Variants in SEMA4G observed in about 807,000 individuals in gnomAD.
The protein encoded by SEMA4G is semaphorin-4G.
In SEMA4G, 59 loss-of-function variants were observed where a neutral mutation model predicts 81.2. The ratio of observed to expected loss-of-function variants is 0.73; its 90% CI spans 0.59 to 0.90. The LOEUF (loss-of-function observed/expected upper bound fraction) is 0.90, where lower values mean the gene tolerates loss of function less well. Among genes scored for constraint, SEMA4G ranks in the 40% least tolerant of loss-of-function variants. The pLI, the probability that SEMA4G is intolerant of heterozygous loss-of-function variation, is 0.00. For missense variants in SEMA4G, 952 were observed against 1,102.3 expected (o/e 0.86, Z 1.93); for synonymous variants, 404 against 433.9 (o/e 0.93, Z 0.86).
chr10:100,981,104 A>T (rs1269472376), intron 12 of SEMA4G, 64 bp from the exon 14 acceptor site: 1 of 1,609,220 alleles, frequency 6.2e-7, no homozygotes, highest in African/African-American at 1.3e-5. Flanking sequence ...AGACCTATCT[A>T]CCCTTTCACT....
rs1264248737 is a variant in SEMA4G at position 100,979,888 on chromosome 10, G to A, written c.1024G>A (p.Ala342Thr). Residue 342 changes from alanine (A) to threonine (T), a missense_variant, in exon 9 of 14, where the codon GCA becomes ACA. This residue lies in a region of SEMA4G where 436 missense variants were observed against 488.2 expected (regional missense o/e 0.89). Coordinates refer to ENST00000370250, the Ensembl canonical transcript of SEMA4G. ...CTCAGCCATCTGCCGCTATGACCTG[G>A]CAGAGATCCAGGCTGTCTTTGCAGG... 1.9e-6 allele frequency: 3 copies of A among 1,614,026 alleles called. No individual in the cohort carries two copies. Among genetic ancestry groups the A allele is most frequent in the Non-Finnish European group, 2.5e-6 (3 of 1,180,010 alleles).
chr10:100,972,921 G>A (rs1850673074), exon 1 of SEMA4G: 2 of 1,607,574 alleles, frequency 1.2e-6, no homozygotes, highest in Non-Finnish European at 1.7e-6. Flanking sequence ...AGATGTGGGG[G>A]AGGCTCTGGC....
rs758882299 is a variant in SEMA4G, at chr10:100,978,839, T to G, written c.644-10T>G. ...TGTCTCAAAAGCCTCTCAAACTGCC[T>G]GACCCACAGATGCGGAGTTTGTGTT... On this transcript the variant is annotated splice_polypyrimidine_tract_variant and intron_variant, in intron 6 of 13. Transcript: ENST00000370250. 17 of 1,612,338 alleles carry G rather than the reference T, an allele frequency of 1.1e-5. No homozygotes were observed. The highest frequency in any genetic ancestry group is 1.0e-5 in the Non-Finnish European group (12 of 1,178,696).
At chr10:100,977,816 C>A in intron 4 of SEMA4G, 86 bp downstream of exon 5, 2 of 1,168,746 alleles carry the variant, frequency 1.7e-6, no homozygotes, top group Non-Finnish European at 2.6e-6. Context: ...AGACTCAGAG[C>A]CAGTGAAGGA....
At chr10:100,978,759 T>G in intron 6 of SEMA4G, 90 bp from the exon 8 acceptor site, 1 of 1,566,024 alleles carries the variant, frequency 6.4e-7, no homozygotes, top group Non-Finnish European at 8.7e-7. Context: ...ATTCCATTCC[T>G]GTGTGTTGTC....
At chr10:100,983,957 G>A (rs752836080) in exon 14 of SEMA4G, 2 of 1,600,020 alleles carry the variant, frequency 1.2e-6, no homozygotes, top group South Asian at 1.1e-5. Context: ...CCAATGGCTT[G>A]GTGGCACTGC....
chr10:100,978,152 T>C, intron 4 of SEMA4G, 143 bp from the exon 6 acceptor site: 1 of 625,312 alleles, frequency 1.6e-6, no homozygotes, highest in Admixed American at 2.8e-5. Flanking sequence ...CAGGGGATGC[T>C]TAAGTTATTG....
At position 100,980,082 on chromosome 10, in the gene SEMA4G, G is replaced by A. The variant is rs750448025; in HGVS notation, c.1129-40G>A. On this transcript the variant is annotated intron_variant, in intron 9 of 13. Transcript: ENST00000370250. ...GCCTTGTGGAGAGGGCAGGCAGGTGGTGGAGTCCCGAGGTTCACCACCTTC... is the reference window on the plus strand; with the variant it reads ...GCCTTGTGGAGAGGGCAGGCAGGTGATGGAGTCCCGAGGTTCACCACCTTC... 57 of 1,613,174 alleles carry A rather than the reference G, an allele frequency of 3.5e-5. 1 individual carries two copies. The South Asian group carries it at 6.0e-4, about 17-fold the overall frequency.
At chr10:100,980,385 C>A in intron 10 of SEMA4G, 41 bp downstream of exon 11, 2 of 1,565,972 alleles carry the variant, frequency 1.3e-6, no homozygotes, top group Non-Finnish European at 1.8e-6. Context: ...TGGCCCTGAT[C>A]ACTAATGCTT....
exon 14 of SEMA4G, chr10:100,984,571 A>C (rs1851328377): frequency 6.5e-7 from 1 of 1,536,192 alleles, no homozygotes; most frequent in South Asian, 1.2e-5. Flanking sequence ...GAAACCAGAC[A>C]AGACCTCTGC....
intron 6 of SEMA4G, 24 bp downstream of exon 7, chr10:100,978,664 G>A: frequency 2.5e-6 from 4 of 1,601,672 alleles, no homozygotes; most frequent in Non-Finnish European, 3.4e-6. Flanking sequence ...GGCACAGGAT[G>A]ATGGGGGGTA....
Position 100,973,612 on chromosome 10 carries a change from A to G in SEMA4G, c.336+3A>G. On this transcript the variant is annotated splice_donor_region_variant and intron_variant, in intron 3 of 13. Transcript: ENST00000370250. The surrounding 1 kb of genome is among the most constrained non-coding windows in gnomAD (Gnocchi z 5.5). ...ATCAAAAAGGGAAAAACAACCAGGT[A>G]TGTGGTCTGCCCTGTCCCCAGCTCC... 3 of 1,613,986 alleles carry G rather than the reference A, an allele frequency of 1.9e-6. No homozygotes were observed. Among genetic ancestry groups the G allele is most frequent in the Non-Finnish European group, 2.5e-6 (3 of 1,179,904 alleles).
intron 3 of SEMA4G, among the ~76,000 whole-genome samples, chr10:100,975,943 T>C (rs1354819707): frequency 6.6e-6 from 1 of 152,000 alleles, no homozygotes; most frequent in African/African-American, 2.4e-5. Flanking sequence ...TGGGGAAACA[T>C]CACTTTAGGA....
upstream of SEMA4G, among the ~76,000 whole-genome samples, chr10:100,971,809 C>T (rs1850641674): frequency 6.6e-6 from 1 of 152,184 alleles, no homozygotes. Flanking sequence ...TCAGGGATCC[C>T]ATCATTTACC....
chr10:100,985,289 C>T (rs1160574437), downstream of SEMA4G: 6 of 175,188 alleles, frequency 3.4e-5, no homozygotes, highest in Admixed American at 5.8e-5. Context: ...CCTACCTCAC[C>T]GGGGCACTTT....
chr10:100,969,843 C>G (rs1390454446), upstream of SEMA4G: 1 of 455,192 alleles, frequency 2.2e-6, no homozygotes, highest in African/African-American at 2.0e-5. Context: ...GAACAGTGTT[C>G]CCCAGGATCT....
At position 100,979,122 on chromosome 10, in the gene SEMA4G, G is replaced by T. The variant is rs961966703; in HGVS notation, c.834G>T (p.Lys278Asn). ...CCCAGGGAGACCTGGGAGGGAAGAA[G>T]ATCCTGCAGAAGAAGTGGACTTCCT... Residue 278 changes from lysine (K) to asparagine (N), a missense_variant, in exon 8 of 14, where the codon AAG becomes AAT. Transcript: ENST00000370250. 6.8e-6 allele frequency: 11 copies of T among 1,614,056 alleles called. No individual in the cohort carries two copies. In the African/African-American group the frequency reaches 1.3e-4, roughly 20 times the overall value.
exon 14 of SEMA4G, chr10:100,984,473 C>G: frequency 6.5e-7 from 1 of 1,529,978 alleles, no homozygotes; most frequent in Non-Finnish European, 8.8e-7. Flanking sequence ...TGCCCAAACC[C>G]TTTCTCTTTC....
chr10:100,982,482 A>T lies in SEMA4G; in HGVS notation c.1691-823A>T, dbSNP rs1157056692. The stretch of plus-strand genomic sequence containing the variant: ...AGATAGATGCCAGAAACAGAATCTT[A>T]GTGACAGTTAGATACAAACGTGAAG... On this transcript the variant is annotated intron_variant, in intron 13 of 13. Coordinates refer to ENST00000370250, the Ensembl canonical transcript of SEMA4G. 2.0e-5 allele frequency among the ~76,000 whole-genome samples: 3 copies of T among 152,246 alleles called. No homozygotes were observed. In the East Asian group the frequency reaches 5.8e-4, roughly 29 times the overall value.
Sources: allele counts gnomAD v4.1 joint callset (sites outside exome capture counted in the v4.1 genomes callset), GRCh38; gene constraint gnomAD v4.1.1; regional missense constraint gnomAD v4.1.1; non-coding constraint Gnocchi (gnomAD v3.1); transcripts MANE v1.5; gene names NCBI Gene and HGNC (gene_info 2026-07-23, HGNC 2026-07-21).